Variants in CPNE8 observed in about 807,000 individuals in gnomAD.
CPNE8 encodes copine-8.
In CPNE8, 45 loss-of-function variants were observed where a neutral mutation model predicts 81.5. The ratio of observed to expected loss-of-function variants is 0.55; its 90% confidence interval spans 0.44 to 0.71. The LOEUF (loss-of-function observed/expected upper bound fraction) is 0.71. Among genes scored for constraint, CPNE8 ranks in the 30% least tolerant of loss-of-function variants. The pLI is 0.00. For synonymous variants in CPNE8, 252 were observed against 226.3 expected, an observed-to-expected ratio of 1.11 and a Z score of -1.02; for missense variants, 594 against 672.1, an observed-to-expected ratio of 0.88 and a Z score of 1.28.
intron 6 of CPNE8, among the ~76,000 whole-genome samples, chr12:38,800,075 G>A (rs1368185534): frequency 7.7e-6 from 1 of 130,302 alleles, no homozygotes; most frequent in African/African-American, 2.6e-5. Context: ...CAACGAGGCT[G>A]GGGGAGGGGC....
intron 10 of CPNE8, among the ~76,000 whole-genome samples, chr12:38,730,571 T>C (rs1940809057): frequency 6.6e-6 from 1 of 151,782 alleles, no homozygotes; most frequent in Non-Finnish European, 1.5e-5. Context: ...TCATTAATAT[T>C]CAAATGTTTA....
At chr12:38,741,426 T>A (rs1941101944) in intron 10 of CPNE8, among the ~76,000 whole-genome samples, 1 of 152,122 alleles carries the variant, frequency 6.6e-6, no homozygotes, top group African/African-American at 2.4e-5. Context: ...AAACAAGAAA[T>A]GGGGAAAAGA....
chr12:38,905,631 T>C (rs112827602), upstream of CPNE8: 12,744 of 1,508,080 alleles, frequency 8.5e-3, 77 homozygotes, highest in Middle Eastern at 0.029. Context: ...GGGTTGAGGG[T>C]GGAGGCAGAA....
At chr12:38,870,177 T>C (rs1287088354) in intron 3 of CPNE8, among the ~76,000 whole-genome samples, 1 of 152,254 alleles carries the variant, frequency 6.6e-6, no homozygotes, top group African/African-American at 2.4e-5. Context: ...GGAATGCTTT[T>C]ACACTGTTGG....
intron 8 of CPNE8, among the ~76,000 whole-genome samples, chr12:38,764,812 T>C (rs975657512): frequency 2.0e-5 from 3 of 151,982 alleles, no homozygotes; most frequent in African/African-American, 4.8e-5. Flanking sequence ...GTCTTTGGTA[T>C]GGTGATAGAT....
rs1295439144 is a variant in CPNE8, at chr12:38,902,393, GAGAA to G, written c.98+3040_98+3043del. Among the ~76,000 whole-genome samples, 17 of 54,674 alleles carry G rather than the reference GAGAA, an allele frequency of 3.1e-4. 2 individuals are homozygous for G. In the South Asian group the frequency reaches 3.5e-3, roughly 11 times the overall value. 35.9% of individuals were successfully genotyped at this position (54,674 alleles called of 152,430 possible). On this transcript the variant is annotated intron_variant, in intron 1 of 19. Coordinates refer to ENST00000331366, the MANE Select transcript of CPNE8 (RefSeq NM_153634.3). The stretch of plus-strand genomic sequence containing the variant: ...GAAAGAAAGAAAGAAAAGAAAGAAA[GAGAA>G]AGAAAGAAAGAAAGAAAGAAAAAGA...
chr12:38,846,145 T>G (rs774517825), intron 4 of CPNE8, among the ~76,000 whole-genome samples: 7 of 152,114 alleles, frequency 4.6e-5, no homozygotes, highest in Non-Finnish European at 8.8e-5. Flanking sequence ...TATCAGGTAA[T>G]GAATGAAGAG....
At chr12:38,723,711 G>A (rs939134252) in intron 13 of CPNE8, 61 bp downstream of exon 13, 17 of 1,005,848 alleles carry the variant, frequency 1.7e-5, no homozygotes, top group African/African-American at 6.4e-5. Context: ...TCGTGGTAGC[G>A]CTTGTTACAC....
chr12:38,729,585 A>G (rs547254581), intron 11 of CPNE8, among the ~76,000 whole-genome samples: 1 of 152,172 alleles, frequency 6.6e-6, no homozygotes, highest in East Asian at 1.9e-4. Flanking sequence ...TCTCTACTTA[A>G]CAGAGGCCAA....
chr12:38,868,013 T>G (rs1003964116), intron 3 of CPNE8, among the ~76,000 whole-genome samples: 4 of 152,202 alleles, frequency 2.6e-5, no homozygotes, highest in African/African-American at 9.6e-5. Context: ...AATACATTTT[T>G]AAGCTTTATT....
At chr12:38,745,175 T>A (rs1592056348) in intron 10 of CPNE8, among the ~76,000 whole-genome samples, 1 of 152,228 alleles carries the variant, frequency 6.6e-6, no homozygotes, top group Non-Finnish European at 1.5e-5. Context: ...TAATACATTA[T>A]AACGTACTCA....
chr12:38,725,042 G>C, intron 11 of CPNE8, 143 bp from the exon 12 acceptor site: 1 of 767,712 alleles, frequency 1.3e-6, no homozygotes, highest in Non-Finnish European at 2.2e-6. Context: ...TATGACTTTG[G>C]ACAGTCATTC....
intron 11 of CPNE8, 143 bp from the exon 12 acceptor site, chr12:38,725,042 G>A: frequency 1.3e-6 from 1 of 767,714 alleles, no homozygotes; most frequent in Non-Finnish European, 2.2e-6. Context: ...TATGACTTTG[G>A]ACAGTCATTC....
intron 17 of CPNE8, among the ~76,000 whole-genome samples, 161 bp downstream of exon 17, chr12:38,677,291 G>A (rs1939310865): frequency 6.6e-6 from 1 of 151,828 alleles, no homozygotes; most frequent in Admixed American, 6.6e-5. Flanking sequence ...CTGGATCAGT[G>A]GTACAGATGT....
intron 10 of CPNE8, among the ~76,000 whole-genome samples, chr12:38,751,072 A>C (rs527514750): frequency 1.3e-5 from 2 of 152,074 alleles, no homozygotes; most frequent in Admixed American, 6.5e-5. Context: ...TGCACAAGTT[A>C]TCTCTTTGCC....
chr12:38,706,147 T>C (rs1031134936), intron 13 of CPNE8, among the ~76,000 whole-genome samples: 1 of 152,104 alleles, frequency 6.6e-6, no homozygotes, highest in African/African-American at 2.4e-5. Context: ...AGTTAAATAT[T>C]TGCAAACTTT....
Position 38,653,036 on chromosome 12 carries a change from C to T in CPNE8, c.*846G>A, listed in dbSNP as rs888243933. On this transcript the variant is annotated 3_prime_UTR_variant, in exon 20 of 20. Transcript: ENST00000331366. ...GCTACATAGTTCACAGTTAAATAGTCTTGGTTTCAGTCTTTCTAAATAGCA... is the reference window on the plus strand; with the variant it reads ...GCTACATAGTTCACAGTTAAATAGTTTTGGTTTCAGTCTTTCTAAATAGCA... 6.6e-6 allele frequency: 1 copy of T among 152,534 alleles called. No homozygotes were observed. Among genetic ancestry groups the T allele is most frequent in the Non-Finnish European group, 1.5e-5 (1 of 68,022 alleles). 9.4% of individuals were successfully genotyped at this position (152,534 alleles called of 1,614,324 possible). A position where few individuals can be genotyped will look rare whatever the true frequency, so the allele number is the denominator to read the frequency against.
intron 15 of CPNE8, among the ~76,000 whole-genome samples, chr12:38,691,311 C>T (rs1036420322): frequency 2.6e-5 from 4 of 152,028 alleles, no homozygotes; most frequent in African/African-American, 9.7e-5. Context: ...CTTTTCTCAC[C>T]GTTGGTAATG....
At chr12:38,899,324 T>G (rs1944428598) in intron 1 of CPNE8, among the ~76,000 whole-genome samples, 1 of 151,990 alleles carries the variant, frequency 6.6e-6, no homozygotes, top group African/African-American at 2.4e-5. Flanking sequence ...CCCAGAGAGC[T>G]CTCTCACTCT....
Sources: allele counts gnomAD v4.1 joint callset (sites outside exome capture counted in the v4.1 genomes callset), GRCh38; gene constraint gnomAD v4.1.1; transcripts MANE v1.5; gene names NCBI Gene and HGNC (gene_info 2026-07-23, HGNC 2026-07-21).